NOS2: variants seen among roughly 807,000 people sequenced by gnomAD.
NOS2 encodes nitric oxide synthase, inducible.
In NOS2, 96 loss-of-function variants were observed where a neutral mutation model predicts 136.0. That is an observed-to-expected ratio of 0.71 (90% CI 0.60 to 0.84). The LOEUF (loss-of-function observed/expected upper bound fraction) is 0.84. Ranked by LOEUF, NOS2 falls within the 40% of genes least tolerant of loss-of-function variation. The pLI is 0.00. For missense variants in NOS2, 1,237 were observed against 1,496.9 expected (o/e 0.83, Z 2.87); for synonymous variants, 539 against 587.5 (o/e 0.92, Z 1.20).
chr17:27,786,049 G>A (rs1909013075), intron 5 of NOS2, among the ~76,000 whole-genome samples: 1 of 150,880 alleles, frequency 6.6e-6, no homozygotes, highest in African/African-American at 2.4e-5. Flanking sequence ...CCAGGTACAT[G>A]TCTGTGGCTC....
intron 5 of NOS2, among the ~76,000 whole-genome samples, chr17:27,787,471 T>C (rs1170802767): frequency 6.6e-6 from 1 of 152,210 alleles, no homozygotes; most frequent in Non-Finnish European, 1.5e-5. Context: ...GGTATTGCTA[T>C]GTACAACGTT....
chr17:27,795,231 G>A (rs1013016306), intron 2 of NOS2, among the ~76,000 whole-genome samples: 2 of 152,218 alleles, frequency 1.3e-5, no homozygotes, highest in African/African-American at 2.4e-5. Context: ...CTCTTGAACA[G>A]TGCAGCACAC....
rs896392020 is a variant in NOS2 at position 27,757,436 on chromosome 17, A to G, written c.3355-83T>C. On this transcript the variant is annotated intron_variant, in intron 26 of 26. Transcript: ENST00000313735. ...GTTGCCCAGCTTCCCTATCACATGG[A>G]CCTTCATGAGCCATCTGTCTTCCCA... 7.4e-6 allele frequency: 8 copies of G among 1,086,334 alleles called. No individual in the cohort carries two copies. In the Admixed American group the frequency reaches 1.3e-4, roughly 18 times the overall value. The allele number at this position is 1,086,334 out of a possible 1,614,324, so 67.3% of individuals were successfully genotyped here.
At chr17:27,758,492 C>G (rs945545868) in intron 26 of NOS2, among the ~76,000 whole-genome samples, 12 of 152,134 alleles carry the variant, frequency 7.9e-5, no homozygotes, top group African/African-American at 2.9e-4. Flanking sequence ...AGACACCAGC[C>G]TGGGTGTAAA....
At chr17:27,757,670 G>A (rs1907971870) in intron 26 of NOS2, among the ~76,000 whole-genome samples, 1 of 152,192 alleles carries the variant, frequency 6.6e-6, no homozygotes, top group Non-Finnish European at 1.5e-5. Context: ...TTTCCTTCCA[G>A]CCTTGAAGGG....
intron 5 of NOS2, among the ~76,000 whole-genome samples, chr17:27,784,161 CT>C (rs1449572800): frequency 0.015 from 2,081 of 143,210 alleles, 52 homozygotes; most frequent in African/African-American, 0.049. Flanking sequence ...CACACACACA[CT>C]ACCACCACCA....
intron 6 of NOS2, among the ~76,000 whole-genome samples, 170 bp from the exon 7 acceptor site, chr17:27,782,276 T>C (rs112785523): frequency 5.9e-5 from 9 of 152,156 alleles, no homozygotes; most frequent in African/African-American, 1.7e-4. Flanking sequence ...CTCAACACCA[T>C]GCAGAAGAAT....
chr17:27,764,949 G>A (rs8065448), intron 20 of NOS2, among the ~76,000 whole-genome samples: 2,004 of 152,200 alleles, frequency 0.013, 39 homozygotes, highest in African/African-American at 0.045. Context: ...TGGACAGTGG[G>A]GGTCACTGCC....
rs142350864 is a variant in NOS2 at position 27,788,827 on chromosome 17, A to G, written c.300T>C (p.Leu100=). ...WGSGMTFQDT[L]HHKAKGILTC... ...GACTTACCCCTTTGGCCTTATGGTG[A>G]AGTGTGTCTTGGAAAGTCATCCCGC... is the stretch of plus-strand genomic sequence containing the variant. The change falls in exon 4 of 27, where the codon CTT becomes CTC. Residue 100 remains leucine, a synonymous_variant. Transcript: ENST00000313735. The G allele has an allele frequency of 7.9e-5, 127 of 1,614,124 alleles. No homozygotes were observed. Among genetic ancestry groups the G allele is most frequent in the Non-Finnish European group, 1.0e-4 (119 of 1,180,002 alleles).
intron 2 of NOS2, among the ~76,000 whole-genome samples, chr17:27,790,847 C>T (rs1909163283): frequency 6.6e-6 from 1 of 152,334 alleles, no homozygotes; most frequent in Non-Finnish European, 1.5e-5. Context: ...TCACCACTCA[C>T]ACATGCCTCC....
At chr17:27,759,222 G>A (rs558598108) in intron 25 of NOS2, 147 bp from the exon 26 acceptor site, 1 of 562,790 alleles carries the variant, frequency 1.8e-6, no homozygotes, top group South Asian at 2.6e-5. Flanking sequence ...CAAGGGGCCA[G>A]GCTCAGGATG....
intron 2 of NOS2, among the ~76,000 whole-genome samples, chr17:27,793,001 C>T (rs566189425): frequency 5.9e-5 from 9 of 151,704 alleles, no homozygotes; most frequent in African/African-American, 2.2e-4. Flanking sequence ...GGGTCGGGGG[C>T]GTGGGGAGTG....
rs763157439 is a variant in NOS2, at chr17:27,767,858, C to T, written c.2035-21G>A. On this transcript the variant is annotated intron_variant, in intron 17 of 26. Transcript: ENST00000313735. ...GCTGCCTGGAAGAAGGTGGAGCAGA[C>T]TGCGGTTAATGGTCAGCAGCAGCAG... 61 of 1,610,522 alleles carry T rather than the reference C, an allele frequency of 3.8e-5. No homozygotes were observed. In the African/African-American group the frequency reaches 7.7e-4, roughly 20 times the overall value.
chr17:27,777,445 C>A (rs1908694669), intron 11 of NOS2, among the ~76,000 whole-genome samples: 1 of 152,104 alleles, frequency 6.6e-6, no homozygotes, highest in Non-Finnish European at 1.5e-5. Context: ...ACACAGGAGC[C>A]CAGCGGCTGT....
intron 24 of NOS2, 97 bp downstream of exon 24, chr17:27,760,526 G>T (rs1216235952): frequency 1.3e-6 from 2 of 1,503,666 alleles, no homozygotes; most frequent in Non-Finnish European, 1.8e-6. Context: ...GCCTTCCCTC[G>T]AGAGAGGTCA....
intron 2 of NOS2, chr17:27,793,591 G>A: frequency 2.5e-6 from 1 of 397,552 alleles, no homozygotes; most frequent in Non-Finnish European, 4.4e-6. Context: ...GGGGTACCTG[G>A]CTCTGCGCGG....
intron 26 of NOS2, among the ~76,000 whole-genome samples, chr17:27,757,560 T>C (rs1254436906): frequency 6.6e-6 from 1 of 152,128 alleles, no homozygotes. Flanking sequence ...AAGCTTTACT[T>C]AGCATACCCA....
In NOS2 at chr17:27,759,078, G is replaced by A. The variant is rs1303053784; in HGVS notation, c.3160-3C>T. 6.3e-7 allele frequency: 1 copy of A among 1,574,990 alleles called. No homozygotes were observed. The highest frequency in any genetic ancestry group is 1.4e-5 in the African/African-American group (1 of 73,744). On this transcript the variant is annotated splice_region_variant and splice_polypyrimidine_tract_variant and intron_variant, in intron 25 of 26. Coordinates refer to ENST00000313735, the MANE Select transcript of NOS2 (RefSeq NM_000625.4). ...CGCAGGATGTCCTGAACATAGACCT[G>A]AAACCAGAGGAAACAGTGGGTTCAG...
At chr17:27,772,510 A>T (rs1179495460) in intron 13 of NOS2, 58 bp from the exon 14 acceptor site, 1 of 1,598,214 alleles carries the variant, frequency 6.3e-7, no homozygotes, top group African/African-American at 1.3e-5. Context: ...CCAGAAGAAA[A>T]TGGGGGACCA....
Sources: gnomAD v4.1 joint callset for allele counts (sites outside exome capture counted in the v4.1 genomes callset) on GRCh38, gnomAD v4.1.1 for gene constraint, MANE v1.5 for transcripts, NCBI Gene and HGNC (gene_info 2026-07-23, HGNC 2026-07-21) for gene names.